The following EYA4 variants were observed in gnomAD, a reference collection of about 807,000 sequenced individuals.
EYA4 encodes the protein protein phosphatase EYA4.
Under a neutral mutation model 87.9 loss-of-function variants are expected in EYA4, and 31 were observed. That is an observed-to-expected ratio of 0.35 (90% CI 0.27 to 0.48). The LOEUF (loss-of-function observed/expected upper bound fraction) is 0.48. Ranked by LOEUF, EYA4 falls within the 20% of genes least tolerant of loss-of-function variation. The pLI is 0.99. For synonymous variants in EYA4, 263 were observed against 270.6 expected (o/e 0.97, Z 0.28); for missense variants, 678 against 761.4 (o/e 0.89, Z 1.29).
At chr6:133,352,813 T>C (rs1218264260) in intron 2 of EYA4, among the ~76,000 whole-genome samples, 1 of 152,046 alleles carries the variant, frequency 6.6e-6, no homozygotes, top group Non-Finnish European at 1.5e-5. Flanking sequence ...AAAGGAAGAA[T>C]CATGCAAGAC....
intron 6 of EYA4, 73 bp from the exon 7 acceptor site, chr6:133,461,041 T>C: frequency 1.0e-6 from 1 of 973,884 alleles, no homozygotes; most frequent in Non-Finnish European, 1.7e-6. Context: ...TTTCTTCAAA[T>C]TGGTTATGTA....
At chr6:133,363,694 C>T (rs1428078284) in intron 2 of EYA4, among the ~76,000 whole-genome samples, 1 of 152,044 alleles carries the variant, frequency 6.6e-6, no homozygotes, top group Non-Finnish European at 1.5e-5. Context: ...CCAGGATGGT[C>T]TGGATCTTCT....
intron 3 of EYA4, among the ~76,000 whole-genome samples, chr6:133,392,102 G>A (rs1787350767): frequency 6.6e-6 from 1 of 152,034 alleles, no homozygotes. Flanking sequence ...AAAGTAAGAG[G>A]AACTCAGTTC....
intron 5 of EYA4, among the ~76,000 whole-genome samples, chr6:133,456,125 T>G (rs1391840058): frequency 6.6e-6 from 1 of 152,208 alleles, no homozygotes; most frequent in African/African-American, 2.4e-5. Context: ...TACTTTTATA[T>G]GTCTCCATTG....
At chr6:133,402,055 G>A (rs1203443764) in intron 3 of EYA4, among the ~76,000 whole-genome samples, 1 of 152,068 alleles carries the variant, frequency 6.6e-6, no homozygotes, top group Non-Finnish European at 1.5e-5. Context: ...ACTGACTGTG[G>A]GAGGAATTTC....
intron 1 of EYA4, among the ~76,000 whole-genome samples, chr6:133,260,228 T>C (rs1002152598): frequency 2.7e-5 from 4 of 150,906 alleles, no homozygotes; most frequent in African/African-American, 4.8e-5. Context: ...TGTTTCTTTA[T>C]GTAGCTTATA....
At chr6:133,291,493 A>G (rs1432831615) in intron 2 of EYA4, among the ~76,000 whole-genome samples, 1 of 152,204 alleles carries the variant, frequency 6.6e-6, no homozygotes, top group Admixed American at 6.5e-5. Flanking sequence ...ACATGATTTT[A>G]TATATTGCTT....
At chr6:133,358,549 AT>A (rs1784238028) in intron 2 of EYA4, among the ~76,000 whole-genome samples, 1 of 152,102 alleles carries the variant, frequency 6.6e-6, no homozygotes, top group Non-Finnish European at 1.5e-5. Context: ...AGCACCAAAC[AT>A]TTTTTTCTAG....
intron 2 of EYA4, among the ~76,000 whole-genome samples, chr6:133,304,872 A>G (rs1220883755): frequency 6.6e-6 from 1 of 152,182 alleles, no homozygotes; most frequent in Non-Finnish European, 1.5e-5. Flanking sequence ...CAAAGAGCTT[A>G]TATTTCTGAG....
chr6:133,267,477 G>T (rs1341324627), intron 1 of EYA4, among the ~76,000 whole-genome samples: 4 of 151,918 alleles, frequency 2.6e-5, no homozygotes, highest in African/African-American at 9.7e-5. Context: ...CCGCCTCCTG[G>T]GTTCAAGCGA....
intron 14 of EYA4, among the ~76,000 whole-genome samples, chr6:133,509,449 A>C (rs1798945557): frequency 6.6e-6 from 1 of 151,904 alleles, no homozygotes; most frequent in East Asian, 1.9e-4. Flanking sequence ...CCATTCTTTC[A>C]GTAGATACTG....
chr6:133,518,831 G>C (rs1478224093), intron 17 of EYA4, among the ~76,000 whole-genome samples: 3 of 152,028 alleles, frequency 2.0e-5, no homozygotes, highest in African/African-American at 7.2e-5. Context: ...TAGAACTCAG[G>C]ATTAAGAATC....
At chr6:133,334,016 G>C (rs1286254894) in intron 2 of EYA4, among the ~76,000 whole-genome samples, 1 of 152,070 alleles carries the variant, frequency 6.6e-6, no homozygotes, top group East Asian at 1.9e-4. Flanking sequence ...ACTGCTCTCA[G>C]CTATGTTTCA....
chr6:133,268,346 G>A (rs1776394690), intron 1 of EYA4, among the ~76,000 whole-genome samples: 1 of 152,104 alleles, frequency 6.6e-6, no homozygotes, highest in South Asian at 2.1e-4. Flanking sequence ...GTTTATGTAG[G>A]CAATGAATTG....
chr6:133,331,607 G>A (rs373884), intron 2 of EYA4, among the ~76,000 whole-genome samples: 66,515 of 151,944 alleles, frequency 0.44, 15,259 homozygotes, highest in Non-Finnish European at 0.53. Flanking sequence ...TCTAAGAAAG[G>A]ACCTAGTTTA....
At chr6:133,287,568 C>T (rs1474353253) in intron 2 of EYA4, among the ~76,000 whole-genome samples, 2 of 152,156 alleles carry the variant, frequency 1.3e-5, no homozygotes, top group Non-Finnish European at 2.9e-5. Flanking sequence ...TGAAGCCAAG[C>T]TGAGATGTTT....
At chr6:133,504,557 T>C (rs1257322783) in intron 13 of EYA4, among the ~76,000 whole-genome samples, 1 of 152,210 alleles carries the variant, frequency 6.6e-6, no homozygotes, top group African/African-American at 2.4e-5. Flanking sequence ...CATACCCCAG[T>C]GACCCCTTAG....
At chr6:133,496,701 G>T (rs1365428317) in intron 13 of EYA4, among the ~76,000 whole-genome samples, 3 of 152,150 alleles carry the variant, frequency 2.0e-5, no homozygotes, top group African/African-American at 7.2e-5. Context: ...CCTTCCAGGG[G>T]TTACGGGGTG....
At chr6:133,327,422 G>A (rs913806072) in intron 2 of EYA4, among the ~76,000 whole-genome samples, 3 of 152,182 alleles carry the variant, frequency 2.0e-5, no homozygotes, top group Middle Eastern at 3.4e-3. Flanking sequence ...GTGAGCCACA[G>A]CACCTGGTCT....
Sources: gnomAD v4.1 joint callset for allele counts (sites outside exome capture counted in the v4.1 genomes callset) on GRCh38, gnomAD v4.1.1 for gene constraint, MANE v1.5 for transcripts, NCBI Gene and HGNC (gene_info 2026-07-23, HGNC 2026-07-21) for gene names.